Variants in SMYD3 observed in about 807,000 individuals in gnomAD.
SMYD3 encodes SET and MYND domain containing 3, also known as histone-lysine N-methyltransferase SMYD3.
Under a neutral mutation model 57.7 loss-of-function variants are expected in SMYD3, and 36 were observed. That is an observed-to-expected ratio of 0.62 (90% confidence interval 0.48 to 0.82). SMYD3 has a LOEUF of 0.82. SMYD3 is among the 40% of genes least tolerant of loss of function. The pLI is 0.00. For missense variants in SMYD3, 515 were observed against 538.8 expected (o/e 0.96, Z 0.44); for synonymous variants, 211 against 195.0 (o/e 1.08, Z -0.68).
chr1:245,752,254 A>G (rs746025406), intron 11 of SMYD3, among the ~76,000 whole-genome samples: 2 of 152,226 alleles, frequency 1.3e-5, no homozygotes, highest in African/African-American at 2.4e-5. Flanking sequence ...ATCTTTGCAG[A>G]GAGGGACGTA....
At chr1:245,996,065 T>C (rs77510891) in intron 5 of SMYD3, among the ~76,000 whole-genome samples, 4,330 of 152,308 alleles carry the variant, frequency 0.028, 196 homozygotes, top group African/African-American at 0.098. Flanking sequence ...TCCCAACACC[T>C]AAAATCCTCC....
At chr1:246,227,491 T>C (rs1241619271) in intron 5 of SMYD3, among the ~76,000 whole-genome samples, 1 of 152,112 alleles carries the variant, frequency 6.6e-6, no homozygotes, top group Non-Finnish European at 1.5e-5. Context: ...GGCGGGCGCC[T>C]GAAGTCCCAA....
At position 246,086,997 on chromosome 1, in the gene SMYD3, G is replaced by A. The variant is rs146285975; in HGVS notation, c.532-157060C>T. 1.2e-3 allele frequency among the ~76,000 whole-genome samples: 177 copies of A among 152,196 alleles called. 2 individuals carry two copies. The highest frequency in any genetic ancestry group is 3.9e-3 in the African/African-American group (163 of 41,530). On this transcript the variant is annotated intron_variant, in intron 5 of 11. Coordinates refer to ENST00000490107, the MANE Select transcript of SMYD3 (RefSeq NM_001167740.2). ...GCGGTGTTTGGTTTTCTGTCTCTGC[G>A]TTAGTTTGCTGAGGATAATGGCTTC... is the stretch of plus-strand genomic sequence containing the variant.
intron 8 of SMYD3, among the ~76,000 whole-genome samples, chr1:245,869,405 T>G (rs892548991): frequency 2.0e-5 from 3 of 152,130 alleles, no homozygotes; most frequent in Non-Finnish European, 4.4e-5. Flanking sequence ...GCCCTCACCT[T>G]CCTCACCTGC....
chr1:246,470,146 G>A (rs992543762), intron 1 of SMYD3, among the ~76,000 whole-genome samples: 11 of 152,124 alleles, frequency 7.2e-5, no homozygotes, highest in Non-Finnish European at 5.9e-5. Flanking sequence ...AAAAGGCTGA[G>A]GAACTACTCC....
rs564313958 is a variant in SMYD3 at position 245,938,529 on chromosome 1, T to A, written c.532-8592A>T. On this transcript the variant is annotated intron_variant, in intron 5 of 11. Coordinates refer to ENST00000490107, the MANE Select transcript of SMYD3 (RefSeq NM_001167740.2). ...GCCCCTCTTTTGATCTCTCCAGGTA[T>A]GCTCCTTTATTTTTGGAAATATAGA... Among the ~76,000 whole-genome samples the A allele has an allele frequency of 4.6e-5, 7 of 152,352 alleles. No homozygotes were observed. In the East Asian group the frequency reaches 1.4e-3, roughly 29 times the overall value.
chr1:246,459,506 A>G (rs1206144201), intron 1 of SMYD3, among the ~76,000 whole-genome samples: 1 of 151,874 alleles, frequency 6.6e-6, no homozygotes, highest in Non-Finnish European at 1.5e-5. Flanking sequence ...TTGTTATTTG[A>G]AAGTGCGTGG....
chr1:246,287,152 G>A (rs748291706), intron 5 of SMYD3, among the ~76,000 whole-genome samples: 8 of 152,122 alleles, frequency 5.3e-5, no homozygotes, highest in South Asian at 2.1e-4. Flanking sequence ...GATTATAGGC[G>A]TGAGCCACAG....
At chr1:245,769,910 T>A (rs938140219) in intron 10 of SMYD3, among the ~76,000 whole-genome samples, 2 of 152,152 alleles carry the variant, frequency 1.3e-5, no homozygotes, top group Non-Finnish European at 2.9e-5. Context: ...ATCTGCAGGT[T>A]CCAACAACTG....
intron 10 of SMYD3, among the ~76,000 whole-genome samples, chr1:245,802,742 G>A (rs2047934012): frequency 6.6e-6 from 1 of 152,224 alleles, no homozygotes; most frequent in African/African-American, 2.4e-5. Flanking sequence ...AAGCTATGAA[G>A]AGAGTGAGGA....
chr1:245,919,753 T>C (rs1014428059), intron 7 of SMYD3, among the ~76,000 whole-genome samples: 1 of 152,192 alleles, frequency 6.6e-6, no homozygotes, highest in African/African-American at 2.4e-5. Flanking sequence ...TTAGTGGGAA[T>C]GTATATGTGA....
At chr1:245,926,492 C>G (rs556352888) in intron 7 of SMYD3, among the ~76,000 whole-genome samples, 3 of 152,292 alleles carry the variant, frequency 2.0e-5, no homozygotes, top group Non-Finnish European at 4.4e-5. Flanking sequence ...GGGCTTTACA[C>G]TGAGTGGAAA....
At chr1:245,749,786 T>A in intron 11 of SMYD3, 122 bp from the exon 12 acceptor site, 1 of 671,602 alleles carries the variant, frequency 1.5e-6, no homozygotes, top group East Asian at 2.7e-5. Flanking sequence ...GTGAACAGTC[T>A]TTAACAGGCT....
At chr1:246,216,716 A>G (rs2063170689) in intron 5 of SMYD3, among the ~76,000 whole-genome samples, 1 of 152,192 alleles carries the variant, frequency 6.6e-6, no homozygotes, top group Non-Finnish European at 1.5e-5. Flanking sequence ...AAAAGAGAAC[A>G]TTAAAATAAA....
chr1:246,387,455 A>G (rs754117023), intron 1 of SMYD3, among the ~76,000 whole-genome samples: 1 of 152,250 alleles, frequency 6.6e-6, no homozygotes, highest in Non-Finnish European at 1.5e-5. Flanking sequence ...ATGCCAGTTT[A>G]ACATTTATTC....
chr1:246,122,413 G>C (rs1280319057), intron 5 of SMYD3, among the ~76,000 whole-genome samples: 1 of 152,180 alleles, frequency 6.6e-6, no homozygotes, highest in Admixed American at 6.5e-5. Context: ...AGAGAGTGCT[G>C]TTTCTCAAAC....
intron 1 of SMYD3, among the ~76,000 whole-genome samples, chr1:246,457,698 T>G (rs1490541794): frequency 6.6e-6 from 1 of 152,176 alleles, no homozygotes; most frequent in Non-Finnish European, 1.5e-5. Flanking sequence ...ACAATCAATA[T>G]TCTCCATCTG....
intron 5 of SMYD3, among the ~76,000 whole-genome samples, chr1:245,984,007 T>G (rs945579602): frequency 6.6e-6 from 1 of 151,802 alleles, no homozygotes; most frequent in Non-Finnish European, 1.5e-5. Flanking sequence ...TCTTTTTTTT[T>G]TTTTTTTTTT....
intron 2 of SMYD3, among the ~76,000 whole-genome samples, chr1:246,344,059 GTTTT>G (rs761072124): frequency 2.0e-5 from 3 of 151,906 alleles, no homozygotes; most frequent in Non-Finnish European, 4.4e-5. Flanking sequence ...ATAAATTTTT[GTTTT>G]TTTGAGATGG....
Sources: gnomAD v4.1 joint callset for allele counts (sites outside exome capture counted in the v4.1 genomes callset) on GRCh38, gnomAD v4.1.1 for gene constraint, MANE v1.5 for transcripts, NCBI Gene and HGNC (gene_info 2026-07-23, HGNC 2026-07-21) for gene names.